Variants in NAA11 observed in about 807,000 individuals in gnomAD.
NAA11 encodes the protein N-alpha-acetyltransferase 11.
In NAA11, 15 loss-of-function variants were observed where a neutral mutation model predicts 16.1. That is an observed-to-expected ratio of 0.93 (90% CI 0.62 to 1.44). NAA11 has a LOEUF of 1.44. Among genes scored for constraint, NAA11 ranks in the 40% most tolerant of loss-of-function variants. The pLI is 0.00. For synonymous variants in NAA11, 122 were observed against 112.4 expected, an observed-to-expected ratio of 1.09 and a Z score of -0.54; for missense variants, 298 against 291.3, an observed-to-expected ratio of 1.02 and a Z score of -0.17.
chr4:79,207,199 T>C, the NAA11 span, among the ~76,000 whole-genome samples: 1 of 151,998 alleles, frequency 6.6e-6, no homozygotes, highest in Non-Finnish European at 1.5e-5. Context: ...TTCCTTGCTC[T>C]TGCCTGATTG....
chr4:79,164,392 C>T, the NAA11 span, among the ~76,000 whole-genome samples: 1 of 152,202 alleles, frequency 6.6e-6, no homozygotes, highest in African/African-American at 2.4e-5. Flanking sequence ...GGGATTCATG[C>T]TCCTTCAAAA....
chr4:79,168,262 G>A, the NAA11 span, among the ~76,000 whole-genome samples: 1 of 152,032 alleles, frequency 6.6e-6, no homozygotes, highest in African/African-American at 2.4e-5. Context: ...TCTTTATCCA[G>A]TCTATCATTG....
intron 1 of NAA11, among the ~76,000 whole-genome samples, chr4:79,320,019 C>A (rs1215117973): frequency 6.6e-6 from 1 of 152,126 alleles, no homozygotes; most frequent in African/African-American, 2.4e-5. Flanking sequence ...CTCAATGTTG[C>A]CAGCTCAATT....
chr4:79,276,887 C>G (rs1015706704), intron 2 of NAA11, among the ~76,000 whole-genome samples: 3 of 152,066 alleles, frequency 2.0e-5, no homozygotes, highest in Non-Finnish European at 4.4e-5. Context: ...TGGTGGGTGA[C>G]AGTTAGTAAA....
downstream of NAA11, among the ~76,000 whole-genome samples, chr4:79,222,764 A>C (rs1288300169): frequency 5.9e-4 from 90 of 151,386 alleles, no homozygotes; most frequent in South Asian, 1.0e-3. Context: ...GGGCTAATAT[A>C]CAGAATCTAC....
chr4:79,231,503 A>C (rs1247354616), intron 2 of NAA11, among the ~76,000 whole-genome samples: 1 of 151,960 alleles, frequency 6.6e-6, no homozygotes, highest in Non-Finnish European at 1.5e-5. Context: ...TAGCAGGGAC[A>C]CAGCCTTTTC....
At chr4:79,325,090 G>A (rs1163974043) in intron 1 of NAA11, 86 bp downstream of exon 1, 2 of 1,231,602 alleles carry the variant, frequency 1.6e-6, no homozygotes, top group Non-Finnish European at 2.2e-6. Flanking sequence ...GGCCAGAATG[G>A]GGTAAGACAG....
intron 1 of NAA11, among the ~76,000 whole-genome samples, chr4:79,294,934 T>C (rs907939755): frequency 2.0e-5 from 3 of 152,220 alleles, no homozygotes; most frequent in Non-Finnish European, 2.9e-5. Context: ...TCCCATACTA[T>C]AGTGATTTCA....
downstream of NAA11, among the ~76,000 whole-genome samples, chr4:79,224,312 T>A (rs1443782328): frequency 6.6e-6 from 1 of 152,068 alleles, no homozygotes; most frequent in Non-Finnish European, 1.5e-5. Context: ...ACTACCAATC[T>A]CAAAAATCTT....
intron 2 of NAA11, among the ~76,000 whole-genome samples, chr4:79,254,527 A>G (rs1448005513): frequency 6.6e-6 from 1 of 152,172 alleles, no homozygotes; most frequent in East Asian, 1.9e-4. Flanking sequence ...CCTGAGAGAT[A>G]GTATAGAGTC....
intron 2 of NAA11, among the ~76,000 whole-genome samples, chr4:79,259,685 A>G (rs1722206420): frequency 6.6e-6 from 1 of 152,202 alleles, no homozygotes; most frequent in African/African-American, 2.4e-5. Context: ...TCCTTCAAAC[A>G]TACACATTAA....
the NAA11 span, among the ~76,000 whole-genome samples, chr4:79,184,029 C>CT: frequency 2.6e-5 from 4 of 152,168 alleles, no homozygotes; most frequent in Non-Finnish European, 4.4e-5. Flanking sequence ...ATCTACATTT[C>CT]TATTAAGAGC....
chr4:79,188,589 A>C, the NAA11 span, among the ~76,000 whole-genome samples: 10 of 146,976 alleles, frequency 6.8e-5, no homozygotes, highest in Non-Finnish European at 1.5e-4. Flanking sequence ...CGCCTCAAAA[A>C]AAAAGAAAAA....
At chr4:79,304,203 T>C (rs926491741) in intron 1 of NAA11, among the ~76,000 whole-genome samples, 4 of 152,214 alleles carry the variant, frequency 2.6e-5, no homozygotes, top group African/African-American at 9.6e-5. Flanking sequence ...CATCTGTAGA[T>C]AGCAGTTTCT....
At chr4:79,282,571 T>C in intron 2 of NAA11, among the ~76,000 whole-genome samples, 1 of 152,090 alleles carries the variant, frequency 6.6e-6, no homozygotes, top group Non-Finnish European at 1.5e-5. Flanking sequence ...TAGATTGTGA[T>C]ATATTGAAAA....
intron 2 of NAA11, among the ~76,000 whole-genome samples, chr4:79,229,409 G>A (rs556843609): frequency 6.6e-6 from 1 of 151,866 alleles, no homozygotes; most frequent in Non-Finnish European, 1.5e-5. Flanking sequence ...TTTGATCTAT[G>A]TATCTATTTT....
chr4:79,239,615 G>A (rs1037522604), intron 2 of NAA11, among the ~76,000 whole-genome samples: 9 of 152,046 alleles, frequency 5.9e-5, no homozygotes, highest in African/African-American at 1.7e-4. Context: ...GATGAGAATC[G>A]CTTGAACCCG....
chr4:79,297,907 A>G (rs181988600), intron 1 of NAA11, among the ~76,000 whole-genome samples: 7 of 152,286 alleles, frequency 4.6e-5, no homozygotes, highest in Middle Eastern at 3.4e-3. Flanking sequence ...CCTGCAGACC[A>G]TAGTGGGAAT....
At chr4:79,251,827 C>A (rs986075070) in intron 2 of NAA11, among the ~76,000 whole-genome samples, 1 of 152,022 alleles carries the variant, frequency 6.6e-6, no homozygotes, top group Non-Finnish European at 1.5e-5. Context: ...AAAGAGAAAC[C>A]TTATTAGCAT....
Sources: allele counts gnomAD v4.1 joint callset (sites outside exome capture counted in the v4.1 genomes callset), GRCh38; gene constraint gnomAD v4.1.1; transcripts MANE v1.5; gene names NCBI Gene and HGNC (gene_info 2026-07-23, HGNC 2026-07-21).